Variants in ZNF710 observed in about 807,000 individuals in gnomAD.
The protein encoded by ZNF710 is zinc finger protein 710.
A neutral mutation model predicts 50.6 loss-of-function variants in ZNF710; 13 were observed. The observed-to-expected ratio is 0.26, with a 90% CI of 0.17 to 0.41. The LOEUF is 0.41. Ranked by LOEUF, ZNF710 falls within the 10% of genes least tolerant of loss-of-function variation. The pLI is 1.00. For synonymous variants in ZNF710, 383 were observed against 397.0 expected (o/e 0.96, Z 0.42); for missense variants, 721 against 936.6 (o/e 0.77, Z 3.01).
At chr15:90,033,370 G>A (rs1163465481) in intron 1 of ZNF710, among the ~76,000 whole-genome samples, 3 of 152,138 alleles carry the variant, frequency 2.0e-5, no homozygotes, top group Admixed American at 6.6e-5. Flanking sequence ...AGTTTGCAGC[G>A]GGAGGTGTGC....
intron 1 of ZNF710, among the ~76,000 whole-genome samples, chr15:90,018,953 G>A (rs560240002): frequency 7.9e-5 from 12 of 151,598 alleles, no homozygotes; most frequent in East Asian, 3.9e-4. Context: ...ACAGTCTCTT[G>A]GATCTTGTAT....
Position 90,054,910 on chromosome 15 carries a change from GGGTCT to G in ZNF710, c.-28-12199_-28-12195del, listed in dbSNP as rs1381711026. ...AAAGCTCAGGGAAAAGAGGCGGGCA[GGGTCT>G]ATCTGGCTGCTGTCCAAAGCTGGTC... On this transcript the variant is annotated intron_variant, in intron 1 of 4. Transcript: ENST00000268154. Among the ~76,000 whole-genome samples, 4 of 152,330 alleles carry G rather than the reference GGGTCT, an allele frequency of 2.6e-5. No individual in the cohort carries two copies. The East Asian group carries it at 7.7e-4, about 29-fold the overall frequency.
chr15:90,079,056 C>G (rs1220182124), intron 4 of ZNF710, among the ~76,000 whole-genome samples: 2 of 152,220 alleles, frequency 1.3e-5, no homozygotes, highest in Admixed American at 1.3e-4. Context: ...CTAGAACCAA[C>G]AGAAAAGCAC....
Position 90,079,865 on chromosome 15 carries a change from G to A in ZNF710, c.*36G>A, listed in dbSNP as rs771364815. On this transcript the variant is annotated 3_prime_UTR_variant, in exon 5 of 5. Coordinates refer to ENST00000268154, the MANE Select transcript of ZNF710 (RefSeq NM_198526.4). ...GCCACCCCTAACGGGGGCCGGGGGC[G>A]AGGGCATGGGGGTGAGACCCATGGG... 65 of 1,558,138 alleles carry A rather than the reference G, an allele frequency of 4.2e-5. No individual in the cohort carries two copies. The highest frequency in any genetic ancestry group is 8.5e-5 in the South Asian group (7 of 82,112).
intron 1 of ZNF710, chr15:90,025,872 A>C (rs541864277): frequency 1.3e-5 from 2 of 152,352 alleles, no homozygotes; most frequent in Non-Finnish European, 2.9e-5. Context: ...TCAAGGAAGA[A>C]ATAAAGAATG....
rs1446434236 is a variant in ZNF710, at chr15:90,068,464, T to A, written c.1327T>A (p.Ser443Thr). 1 of 1,614,086 alleles carries A rather than the reference T, an allele frequency of 6.2e-7. No homozygotes were observed. Among genetic ancestry groups the A allele is most frequent in the South Asian group, 1.1e-5 (1 of 91,082 alleles). The part of the protein sequence containing the change: ...TLYQCLECDK[S>T]FHYRSQLQNH... ...CTACCAGTGCCTCGAGTGTGACAAG[T>A]CCTTCCACTACCGCAGCCAGTTGCA... is the stretch of plus-strand genomic sequence containing the variant. Residue 443 changes from serine (S) to threonine (T), a missense_variant, in exon 2 of 5, where the codon TCC becomes ACC. Physicochemically the swap from Ser to Thr is moderately conservative, Grantham distance 58. This residue lies in a region of ZNF710 where 326 missense variants were observed against 522.0 expected (regional missense o/e 0.62). Transcript: ENST00000268154. This position sits in a 1 kb window ranked among gnomAD's most constrained non-coding sequence, Gnocchi z 5.0.
intron 1 of ZNF710, among the ~76,000 whole-genome samples, chr15:90,020,011 G>T (rs968058733): frequency 2.0e-5 from 3 of 152,194 alleles, no homozygotes; most frequent in Non-Finnish European, 4.4e-5. Flanking sequence ...TCTAGCCCAG[G>T]AGTCCAGGCC....
chr15:90,068,697 A>C lies in ZNF710; in HGVS notation c.1458+102A>C, dbSNP rs1900276221. 7.8e-7 allele frequency: 1 copy of C among 1,283,614 alleles called. No homozygotes were observed. The allele number at this position is 1,283,614 out of a possible 1,614,324, so 79.5% of individuals were successfully genotyped here. A position where few individuals can be genotyped will look rare whatever the true frequency, so the allele number is the denominator to read the frequency against. ...GATGGGACCATTTAGGTGGTCTCCTAGTTTTATCGTTACGTACTTATTTTG... is the reference window on the plus strand; with the variant it reads ...GATGGGACCATTTAGGTGGTCTCCTCGTTTTATCGTTACGTACTTATTTTG... On this transcript the variant is annotated intron_variant, in intron 2 of 4. Coordinates refer to ENST00000268154, the MANE Select transcript of ZNF710 (RefSeq NM_198526.4). This position sits in a 1 kb window ranked among gnomAD's most constrained non-coding sequence, Gnocchi z 5.0.
intron 1 of ZNF710, among the ~76,000 whole-genome samples, chr15:90,027,371 G>A (rs926961579): frequency 6.6e-6 from 1 of 151,874 alleles, no homozygotes; most frequent in African/African-American, 2.4e-5. Flanking sequence ...CCACCAACCC[G>A]GCTAATTCTT....
rs769242369 is a variant in ZNF710, at chr15:90,067,878, G to A, written c.741G>A (p.Val247=). 6.2e-7 allele frequency: 1 copy of A among 1,609,726 alleles called. No homozygotes were observed. The highest frequency in any genetic ancestry group is 8.5e-7 in the Non-Finnish European group (1 of 1,176,978). The stretch of plus-strand genomic sequence containing the variant: ...CTGTCAAGCCGGAACAGGGCTTCGT[G>A]TGGCAGGAGGCCAGTGAGTTCGAGG... ...PEPVKPEQGF[V]WQEASEFEAD... Residue 247 remains valine (V), a synonymous_variant, in exon 2 of 5, where the codon GTG becomes GTA. Coordinates refer to ENST00000268154, the MANE Select transcript of ZNF710 (RefSeq NM_198526.4). This position sits in a 1 kb window ranked among gnomAD's most constrained non-coding sequence, Gnocchi z 8.1.
At chr15:90,056,446 T>A (rs1390022023) in intron 1 of ZNF710, among the ~76,000 whole-genome samples, 1 of 151,726 alleles carries the variant, frequency 6.6e-6, no homozygotes, top group East Asian at 1.9e-4. Context: ...TAGTCCTGAC[T>A]GAGGGGTAGG....
intron 1 of ZNF710, among the ~76,000 whole-genome samples, chr15:90,044,649 C>G (rs1020767881): frequency 1.3e-5 from 2 of 152,184 alleles, no homozygotes; most frequent in African/African-American, 4.8e-5. Flanking sequence ...CCAAACAGAA[C>G]AGTTTGGTTT....
chr15:90,045,420 CCTGGG>C, intron 1 of ZNF710: 5 of 985,068 alleles, frequency 5.1e-6, no homozygotes, highest in Non-Finnish European at 6.0e-6. Context: ...CTGTTGCGGA[CCTGGG>C]TAAGGGTGCA....
At chr15:90,021,361 A>G (rs1412518148) in intron 1 of ZNF710, among the ~76,000 whole-genome samples, 1 of 152,142 alleles carries the variant, frequency 6.6e-6, no homozygotes, top group Non-Finnish European at 1.5e-5. Flanking sequence ...GATGACCCAC[A>G]GCCTCCCCAA....
At chr15:90,033,514 C>G (rs1899009099) in intron 1 of ZNF710, among the ~76,000 whole-genome samples, 1 of 152,188 alleles carries the variant, frequency 6.6e-6, no homozygotes, top group Non-Finnish European at 1.5e-5. Flanking sequence ...GCCGGCTACT[C>G]CACGTTGAGC....
In ZNF710 at chr15:90,034,207, G is replaced by A. The variant is rs1477034124; in HGVS notation, c.-29+32593G>A. Among the ~76,000 whole-genome samples, 1 of 147,180 alleles carries A rather than the reference G, an allele frequency of 6.8e-6. No individual in the cohort carries two copies. The highest frequency in any genetic ancestry group is 2.6e-5 in the African/African-American group (1 of 38,682). On this transcript the variant is annotated intron_variant, in intron 1 of 4. Coordinates refer to ENST00000268154, the MANE Select transcript of ZNF710 (RefSeq NM_198526.4). This position sits in a 1 kb window ranked among gnomAD's most constrained non-coding sequence, Gnocchi z 4.0. ...AGTGAGACTCTGTCTCAAAAAAAAA[G>A]AAAAGAAAAGAAAAGAAAAGAAAAC...
At chr15:90,016,656 C>T (rs531272898) in intron 1 of ZNF710, among the ~76,000 whole-genome samples, 15 of 152,230 alleles carry the variant, frequency 9.9e-5, no homozygotes, top group Admixed American at 2.6e-4. Flanking sequence ...CTCAAGCTAA[C>T]GGCCTCAGTG....
chr15:90,002,233 G>T (rs935865901), intron 1 of ZNF710, among the ~76,000 whole-genome samples: 2 of 151,764 alleles, frequency 1.3e-5, no homozygotes, highest in African/African-American at 2.4e-5. Context: ...GGCCGGGGGT[G>T]GGGGAGAGCT....
At chr15:90,074,459 A>G (rs753226254) in intron 4 of ZNF710, 169 bp downstream of exon 4, 2 of 1,533,048 alleles carry the variant, frequency 1.3e-6, no homozygotes, top group Non-Finnish European at 1.7e-6. Context: ...GACAATAACG[A>G]TGGGATATTT....
Sources: allele counts gnomAD v4.1 joint callset (sites outside exome capture counted in the v4.1 genomes callset), GRCh38; gene constraint gnomAD v4.1.1; regional missense constraint gnomAD v4.1.1; non-coding constraint Gnocchi (gnomAD v3.1); transcripts MANE v1.5; gene names NCBI Gene and HGNC (gene_info 2026-07-23, HGNC 2026-07-21).